The following TRPS1 variants were observed in gnomAD, a reference collection of about 807,000 sequenced individuals.
The protein encoded by TRPS1 is zinc finger transcription factor Trps1.
In TRPS1, 6 loss-of-function variants were observed where a neutral mutation model predicts 101.2. The observed-to-expected ratio is 0.06, with a 90% CI of 0.03 to 0.12. The LOEUF is 0.12. Among genes scored for constraint, TRPS1 ranks in the 10% least tolerant of loss-of-function variants. TRPS1 has a pLI of 1.00. For synonymous variants in TRPS1, 578 were observed against 589.8 expected (o/e 0.98, Z 0.29); for missense variants, 1,363 against 1,567.0 (o/e 0.87, Z 2.20).
chr8:115,469,448 C>CAT, intron 5 of TRPS1, among the ~76,000 whole-genome samples: 2 of 152,220 alleles, frequency 1.3e-5, no homozygotes, highest in South Asian at 4.1e-4. Flanking sequence ...GAGCCACAAT[C>CAT]ATATAATTGC....
At chr8:115,511,890 G>A (rs917547940) in intron 5 of TRPS1, among the ~76,000 whole-genome samples, 3 of 151,710 alleles carry the variant, frequency 2.0e-5, no homozygotes, top group Middle Eastern at 3.2e-3. Flanking sequence ...TATCACATAC[G>A]AAATGTATGA....
chr8:115,560,972 C>T (rs1217145123), intron 5 of TRPS1, among the ~76,000 whole-genome samples: 1 of 152,060 alleles, frequency 6.6e-6, no homozygotes, highest in Non-Finnish European at 1.5e-5. Context: ...TTACCTCTAA[C>T]ACATTTACTG....
At chr8:115,587,677 C>T in intron 4 of TRPS1, 73 bp from the exon 5 acceptor site, 1 of 1,607,074 alleles carries the variant, frequency 6.2e-7, no homozygotes, top group Non-Finnish European at 8.5e-7. Flanking sequence ...AGCCTTTAAG[C>T]ACCTGAATTT....
In TRPS1 at chr8:115,445,502, C is replaced by A. The variant is rs575765763; in HGVS notation, c.2701-27050G>T. Among the ~76,000 whole-genome samples, 3 of 152,078 alleles carry A rather than the reference C, an allele frequency of 2.0e-5. No individual in the cohort carries two copies. In the East Asian group the frequency reaches 5.8e-4, roughly 29 times the overall value. ...CAGAGATGTTAAAACTAAATTATAC[C>A]CCAATTCCTCTTTCACTTGAGGAAA... On this transcript the variant is annotated intron_variant, in intron 5 of 6. Coordinates refer to ENST00000395715, the MANE Select transcript of TRPS1 (RefSeq NM_014112.5).
In TRPS1 at chr8:115,667,998, GGA is replaced by G. The variant is rs1811969096; in HGVS notation, c.-122+545_-122+546del. The G allele has an allele frequency of 2.5e-6, 3 of 1,195,124 alleles. No individual in the cohort carries two copies. The East Asian group carries it at 7.7e-5, about 30-fold the overall frequency. 74.0% of individuals were successfully genotyped at this position (1,195,124 alleles called of 1,614,324 possible). ...TCCAGCTCCTCCGCTGCGCCCGGTA[GGA>G]GAGAATTAAAATCAGCCAGAAAGAG... On this transcript the variant is annotated intron_variant, in intron 1 of 6. Coordinates refer to ENST00000395715, the MANE Select transcript of TRPS1 (RefSeq NM_014112.5).
chr8:115,453,859 C>A (rs1193745547), intron 5 of TRPS1, among the ~76,000 whole-genome samples: 1 of 152,146 alleles, frequency 6.6e-6, no homozygotes, highest in Non-Finnish European at 1.5e-5. Flanking sequence ...TTTGGTCTTG[C>A]CCACGGTGAC....
chr8:115,599,222 CTCTT>C (rs1164499060), intron 4 of TRPS1, among the ~76,000 whole-genome samples: 2 of 151,998 alleles, frequency 1.3e-5, no homozygotes, highest in East Asian at 1.9e-4. Flanking sequence ...TTCATTTGCT[CTCTT>C]TGTCTAATAT....
At chr8:115,642,713 T>A (rs1818929472) in intron 1 of TRPS1, among the ~76,000 whole-genome samples, 1 of 151,874 alleles carries the variant, frequency 6.6e-6, no homozygotes, top group Admixed American at 6.6e-5. Context: ...ACTGTGTCAG[T>A]GTTTAAAAAA....
chr8:115,430,281 T>G (rs1813287050), intron 5 of TRPS1, among the ~76,000 whole-genome samples: 1 of 152,168 alleles, frequency 6.6e-6, no homozygotes, highest in Non-Finnish European at 1.5e-5. Flanking sequence ...GGATTCCAAT[T>G]ATTTTCATGT....
intron 1 of TRPS1, among the ~76,000 whole-genome samples, chr8:115,649,401 C>A (rs1375688713): frequency 1.3e-5 from 2 of 152,156 alleles, no homozygotes; most frequent in African/African-American, 4.8e-5. Flanking sequence ...GGACTGAAAT[C>A]CTGACTCTGC....
intron 5 of TRPS1, among the ~76,000 whole-genome samples, chr8:115,556,150 C>T (rs1253867190): frequency 2.0e-5 from 3 of 152,294 alleles, no homozygotes; most frequent in East Asian, 3.9e-4. Context: ...ATTCAAAAGG[C>T]TGATCACATT....
intron 5 of TRPS1, among the ~76,000 whole-genome samples, chr8:115,565,625 GA>G (rs1262934622): frequency 2.7e-5 from 4 of 148,062 alleles, no homozygotes; most frequent in South Asian, 4.2e-4. Context: ...ATTTTAAACA[GA>G]AAAAAAAAGA....
intron 4 of TRPS1, among the ~76,000 whole-genome samples, chr8:115,602,593 T>C (rs994549119): frequency 6.6e-6 from 1 of 152,222 alleles, no homozygotes; most frequent in Non-Finnish European, 1.5e-5. Flanking sequence ...TCTAACATTA[T>C]GAGCCTATTG....
rs568964737 is a variant in TRPS1, at chr8:115,668,689, C to G, written c.-266G>C. The G allele has an allele frequency of 6.7e-6, 1 of 148,562 alleles. No homozygotes were observed. Among genetic ancestry groups the G allele is most frequent in the Non-Finnish European group, 1.5e-5 (1 of 67,886 alleles). The allele number at this position is 148,562 out of a possible 1,614,324, so 9.2% of individuals were successfully genotyped here. A position where few individuals can be genotyped will look rare whatever the true frequency, so the allele number is the denominator to read the frequency against. On this transcript the variant is annotated 5_prime_UTR_variant, in exon 1 of 7. Transcript: ENST00000395715. The stretch of plus-strand genomic sequence containing the variant: ...GAAAAAGGTCTTTCCTGCCTCCCCC[C>G]CCTTTCCCTCCCCCACCCTTATTAA...
intron 5 of TRPS1, among the ~76,000 whole-genome samples, chr8:115,585,887 T>C (rs1242179807): frequency 1.3e-5 from 2 of 152,166 alleles, no homozygotes; most frequent in African/African-American, 4.8e-5. Flanking sequence ...ACTGTGCACC[T>C]CTAAGGGGCG....
intron 5 of TRPS1, among the ~76,000 whole-genome samples, chr8:115,542,109 T>A (rs551307357): frequency 6.6e-6 from 1 of 152,218 alleles, no homozygotes; most frequent in Non-Finnish European, 1.5e-5. Context: ...ATTTGTCACA[T>A]CACAGCACAA....
At chr8:115,592,999 T>A (rs532560423) in intron 4 of TRPS1, among the ~76,000 whole-genome samples, 2 of 152,092 alleles carry the variant, frequency 1.3e-5, no homozygotes, top group South Asian at 2.1e-4. Flanking sequence ...TTTTTTTTTT[T>A]AAGAAACGAG....
intron 5 of TRPS1, among the ~76,000 whole-genome samples, chr8:115,538,594 TA>T (rs10627729): frequency 5.5e-4 from 81 of 148,346 alleles, no homozygotes; most frequent in Admixed American, 3.1e-3. Flanking sequence ...TTTCAGAAAA[TA>T]AAAAAAAAAA....
rs144716327 is a variant in TRPS1 at position 115,547,551 on chromosome 8, T to C, written c.2700+39450A>G. 7.6e-3 allele frequency among the ~76,000 whole-genome samples: 1,155 copies of C among 152,290 alleles called. 52 individuals carry two copies. Among genetic ancestry groups the C allele is most frequent in the Admixed American group, 0.066 (1,012 of 15,288 alleles). On this transcript the variant is annotated intron_variant, in intron 5 of 6. Transcript: ENST00000395715. ...AACGCATCACACACAGGTTAGTGTTTCAAATAGAAGGCAGTCACCGTAATT... is the reference window on the plus strand; with the variant it reads ...AACGCATCACACACAGGTTAGTGTTCCAAATAGAAGGCAGTCACCGTAATT...
Sources: allele counts gnomAD v4.1 joint callset (sites outside exome capture counted in the v4.1 genomes callset), GRCh38; gene constraint gnomAD v4.1.1; transcripts MANE v1.5; gene names NCBI Gene and HGNC (gene_info 2026-07-23, HGNC 2026-07-21).